The following PTPRN2 variants were observed in gnomAD, a reference collection of about 807,000 sequenced individuals.
The protein encoded by PTPRN2 is protein tyrosine phosphatase receptor type N2, also known as receptor-type tyrosine-protein phosphatase N2.
A neutral mutation model predicts 118.8 loss-of-function variants in PTPRN2; 74 were observed. That is an observed-to-expected ratio of 0.62 (90% CI 0.52 to 0.76). The LOEUF (loss-of-function observed/expected upper bound fraction) is 0.76, where lower values mean the gene tolerates loss of function less well. Ranked by LOEUF, PTPRN2 falls within the 30% of genes least tolerant of loss-of-function variation. The pLI is 0.00. For synonymous variants in PTPRN2, 641 were observed against 608.0 expected (o/e 1.05, Z -0.80); for missense variants, 1,481 against 1,394.4 (o/e 1.06, Z -0.99).
At chr7:157,890,943 C>T (rs1259956144) in intron 12 of PTPRN2, among the ~76,000 whole-genome samples, 1 of 152,212 alleles carries the variant, frequency 6.6e-6, no homozygotes, top group Non-Finnish European at 1.5e-5. Context: ...CTGGGCACCG[C>T]AGAGCAACAA....
chr7:157,945,376 C>A (rs533774998), intron 11 of PTPRN2, among the ~76,000 whole-genome samples: 1 of 152,174 alleles, frequency 6.6e-6, no homozygotes, highest in South Asian at 2.1e-4. Flanking sequence ...GAAGACCCCC[C>A]GCCTGCCTCT....
intron 1 of PTPRN2, among the ~76,000 whole-genome samples, chr7:158,506,482 A>C (rs1311383068): frequency 1.3e-5 from 2 of 152,096 alleles, no homozygotes; most frequent in Non-Finnish European, 2.9e-5. Flanking sequence ...AGCACACGGG[A>C]GAGGAACCCA....
intron 21 of PTPRN2, among the ~76,000 whole-genome samples, chr7:157,554,934 C>T (rs1042900509): frequency 2.0e-5 from 3 of 148,982 alleles, no homozygotes; most frequent in Admixed American, 1.3e-4. Context: ...AGGGAAGTGA[C>T]GCAGGCTGCC....
intron 2 of PTPRN2, among the ~76,000 whole-genome samples, chr7:158,416,202 C>T (rs1814642224): frequency 6.6e-6 from 1 of 152,210 alleles, no homozygotes; most frequent in African/African-American, 2.4e-5. Flanking sequence ...CACTTTGGGG[C>T]CCAGGAATGG....
chr7:158,210,321 G>A (rs943797854), intron 3 of PTPRN2, among the ~76,000 whole-genome samples: 6 of 151,714 alleles, frequency 4.0e-5, no homozygotes, highest in African/African-American at 1.5e-4. Flanking sequence ...ATTTTTAGTA[G>A]AGACGGGGTT....
At chr7:158,398,633 C>G (rs1020911405) in intron 2 of PTPRN2, among the ~76,000 whole-genome samples, 2 of 152,190 alleles carry the variant, frequency 1.3e-5, no homozygotes, top group African/African-American at 4.8e-5. Flanking sequence ...AATGAGCAAA[C>G]CTCTAACCCA....
chr7:158,277,264 A>T (rs1346321754), intron 3 of PTPRN2, among the ~76,000 whole-genome samples: 1 of 152,196 alleles, frequency 6.6e-6, no homozygotes, highest in African/African-American at 2.4e-5. Context: ...ATCGGCCTCC[A>T]GCCTCCTCGG....
intron 2 of PTPRN2, among the ~76,000 whole-genome samples, chr7:158,342,804 G>T (rs992641648): frequency 6.6e-6 from 1 of 152,160 alleles, no homozygotes; most frequent in Non-Finnish European, 1.5e-5. Flanking sequence ...CATGAGGGAG[G>T]TACGGAAACA....
At position 157,719,524 on chromosome 7, in the gene PTPRN2, G is replaced by A. The variant is rs561877260; in HGVS notation, c.1789-36587C>T. Among the ~76,000 whole-genome samples, 98 of 152,378 alleles carry A rather than the reference G, an allele frequency of 6.4e-4. 1 individual carries two copies. The highest frequency in any genetic ancestry group is 1.9e-3 in the African/African-American group (79 of 41,596). ...TTGCACATCCCGGCCTCCTGGGAAC[G>A]CGGAGAACTTCGTGCCTGCTGTCCA... On this transcript the variant is annotated intron_variant, in intron 12 of 22. Transcript: ENST00000389418.
At chr7:158,411,452 C>A (rs1814079930) in intron 2 of PTPRN2, among the ~76,000 whole-genome samples, 1 of 152,148 alleles carries the variant, frequency 6.6e-6, no homozygotes, top group Non-Finnish European at 1.5e-5. Flanking sequence ...TTGCACATGC[C>A]CGGCCACCAC....
chr7:157,620,694 T>G (rs1007746068), intron 15 of PTPRN2, among the ~76,000 whole-genome samples: 4 of 152,112 alleles, frequency 2.6e-5, no homozygotes, highest in African/African-American at 9.7e-5. Context: ...CCCAGGCCCG[T>G]GCTGGAGGAA....
At chr7:158,336,619 G>C (rs1805593731) in intron 2 of PTPRN2, among the ~76,000 whole-genome samples, 1 of 131,176 alleles carries the variant, frequency 7.6e-6, no homozygotes, top group African/African-American at 3.0e-5. Flanking sequence ...ACCATAATTG[G>C]TGACACATGC....
chr7:158,208,477 T>C (rs973287751), intron 3 of PTPRN2, among the ~76,000 whole-genome samples: 3 of 152,222 alleles, frequency 2.0e-5, no homozygotes, highest in African/African-American at 7.2e-5. Flanking sequence ...GTGGAAACTT[T>C]ACAGGCCAGG....
intron 17 of PTPRN2, among the ~76,000 whole-genome samples, chr7:157,580,973 GCAGCCCC>G (rs1800344854): frequency 1.1e-4 from 2 of 18,778 alleles, no homozygotes; most frequent in African/African-American, 4.2e-4. Context: ...CCTGCACACC[GCAGCCCC>G]TGCACACCCC....
intron 3 of PTPRN2, among the ~76,000 whole-genome samples, chr7:158,225,288 A>G (rs999062072): frequency 6.6e-6 from 1 of 152,150 alleles, no homozygotes; most frequent in African/African-American, 2.4e-5. Context: ...AATGTTCACC[A>G]GTTTTATTTA....
At chr7:157,973,272 C>A (rs1448190276) in intron 11 of PTPRN2, among the ~76,000 whole-genome samples, 4 of 151,516 alleles carry the variant, frequency 2.6e-5, no homozygotes, top group Non-Finnish European at 5.9e-5. Flanking sequence ...AGTTCATGGG[C>A]TGATAGGACA....
chr7:158,035,499 C>T (rs1037117203), intron 11 of PTPRN2, among the ~76,000 whole-genome samples: 1 of 152,172 alleles, frequency 6.6e-6, no homozygotes, highest in African/African-American at 2.4e-5. Context: ...TAGGGCCCAG[C>T]AGGCTGGGGT....
chr7:158,244,516 G>T (rs1297538551), intron 3 of PTPRN2, among the ~76,000 whole-genome samples: 1 of 149,282 alleles, frequency 6.7e-6, no homozygotes, highest in Non-Finnish European at 1.5e-5. Context: ...TGTGTGAGCT[G>T]TGTGTGAGGG....
chr7:158,056,526 G>C (rs73748006), intron 11 of PTPRN2, among the ~76,000 whole-genome samples: 16,885 of 152,200 alleles, frequency 0.11, 2,422 homozygotes, highest in African/African-American at 0.34. Flanking sequence ...AGGATGGGCA[G>C]GAGAAGCCCC....
Sources: gnomAD v4.1 joint callset for allele counts (sites outside exome capture counted in the v4.1 genomes callset) on GRCh38, gnomAD v4.1.1 for gene constraint, MANE v1.5 for transcripts, NCBI Gene and HGNC (gene_info 2026-07-23, HGNC 2026-07-21) for gene names.